Variants in RGSL1 observed in about 807,000 individuals in gnomAD.
RGSL1 encodes regulator of G protein signaling like 1, also known as regulator of G protein signaling protein-like.
A neutral mutation model predicts 124.7 loss-of-function variants in RGSL1; 97 were observed. The observed-to-expected ratio is 0.78, with a 90% CI of 0.66 to 0.92. RGSL1 has a LOEUF of 0.92. RGSL1 is among the 40% of genes least tolerant of loss of function. The pLI is 0.00. For synonymous variants in RGSL1, 424 were observed against 438.1 expected (o/e 0.97, Z 0.40); for missense variants, 1,233 against 1,288.4 (o/e 0.96, Z 0.66).
chr1:182,498,308 T>TGTATATGCCTCCTAGGTGC (rs1553263966), intron 9 of RGSL1, among the ~76,000 whole-genome samples: 59 of 151,066 alleles, frequency 3.9e-4, no homozygotes, highest in Non-Finnish European at 5.9e-4. Context: ...CTTGCTTTTT[T>TGTATATGCCTCCTAGGTGC]GTATATGCCT....
intron 9 of RGSL1, among the ~76,000 whole-genome samples, chr1:182,508,049 A>G: frequency 6.6e-6 from 1 of 152,120 alleles, no homozygotes. Flanking sequence ...ATACCCAGTA[A>G]TAGAATTGCT....
Position 182,538,825 on chromosome 1 carries a change from G to A in RGSL1, c.2495-1422G>A, listed in dbSNP as rs556172258. Among the ~76,000 whole-genome samples the A allele has an allele frequency of 3.9e-5, 6 of 152,232 alleles. No individual in the cohort carries two copies. The South Asian group carries it at 1.2e-3, about 32-fold the overall frequency. The stretch of plus-strand genomic sequence containing the variant: ...AGGTCAGGGACCTAGTCCTGACCCC[G>A]AGAACACTTAAGCGGCTTTTGGAAC... On this transcript the variant is annotated intron_variant, in intron 14 of 21. Coordinates refer to ENST00000294854, the MANE Select transcript of RGSL1 (RefSeq NM_001137669.2).
chr1:182,545,536 T>C (rs1660156677), intron 15 of RGSL1, among the ~76,000 whole-genome samples: 1 of 152,192 alleles, frequency 6.6e-6, no homozygotes, highest in African/African-American at 2.4e-5. Flanking sequence ...TGCGTGTTAG[T>C]GTCATTTTCT....
At chr1:182,453,143 G>T (rs182171908) in intron 1 of RGSL1, among the ~76,000 whole-genome samples, 80 of 152,226 alleles carry the variant, frequency 5.3e-4, no homozygotes, top group African/African-American at 1.8e-3. Flanking sequence ...GAATTAACTT[G>T]GGCAGCACGA....
chr1:182,486,238 G>T (rs1655086873), intron 6 of RGSL1, among the ~76,000 whole-genome samples: 1 of 150,388 alleles, frequency 6.6e-6, no homozygotes, highest in African/African-American at 2.4e-5. Context: ...TCTTTTAATT[G>T]AAAATGCTCT....
Position 182,530,373 on chromosome 1 carries a change from C to G in RGSL1, c.2243+12C>G, listed in dbSNP as rs1242049222. ...ATAGAAGAAAAGTGGTGAGTATACT[C>G]AATTAAGGAAAGGATTCTTCCTGGA... On this transcript the variant is annotated intron_variant, in intron 12 of 21. Transcript: ENST00000294854. 4 of 1,536,708 alleles carry G rather than the reference C, an allele frequency of 2.6e-6. No individual in the cohort carries two copies. The highest frequency in any genetic ancestry group is 1.8e-6 in the Non-Finnish European group (2 of 1,134,796).
At position 182,540,143 on chromosome 1, in the gene RGSL1, A is replaced by G. The variant is rs1201156701; in HGVS notation, c.2495-104A>G. 3 of 1,182,204 alleles carry G rather than the reference A, an allele frequency of 2.5e-6. No homozygotes were observed. The African/African-American group carries it at 4.8e-5, about 19-fold the overall frequency. The allele number at this position is 1,182,204 out of a possible 1,614,324, so 73.2% of individuals were successfully genotyped here. A position where few individuals can be genotyped will look rare whatever the true frequency, so the allele number is the denominator to read the frequency against. Reference sequence around the variant, plus strand: ...GTAAGTGACTATTTCAGTAGGCCAAAAGGATGGATCCACAGTCTCCTTTCT... The same window carrying G: ...GTAAGTGACTATTTCAGTAGGCCAAGAGGATGGATCCACAGTCTCCTTTCT... On this transcript the variant is annotated intron_variant, in intron 14 of 21. Coordinates refer to ENST00000294854, the MANE Select transcript of RGSL1 (RefSeq NM_001137669.2).
intron 9 of RGSL1, among the ~76,000 whole-genome samples, chr1:182,500,532 T>A (rs568936659): frequency 5.4e-5 from 8 of 149,010 alleles, no homozygotes; most frequent in Non-Finnish European, 8.8e-5. Context: ...AACTTTTCCA[T>A]TTTTTCAAAA....
intron 15 of RGSL1, among the ~76,000 whole-genome samples, chr1:182,546,214 A>G (rs1419571824): frequency 6.6e-6 from 1 of 152,186 alleles, no homozygotes; most frequent in Non-Finnish European, 1.5e-5. Context: ...TGGGAGAATG[A>G]AGCCAACTTG....
intron 9 of RGSL1, among the ~76,000 whole-genome samples, chr1:182,510,700 G>C (rs1203884935): frequency 9.0e-6 from 1 of 111,086 alleles, no homozygotes; most frequent in East Asian, 2.3e-4. Flanking sequence ...GAGAGGGAGA[G>C]GGAGAGGCCT....
chr1:182,541,016 T>C (rs1037091895), intron 15 of RGSL1, among the ~76,000 whole-genome samples: 1 of 152,216 alleles, frequency 6.6e-6, no homozygotes, highest in African/African-American at 2.4e-5. Context: ...GATATTTTCA[T>C]ATACTCATAT....
chr1:182,453,308 C>T (rs1249936896), intron 1 of RGSL1: 2 of 152,168 alleles, frequency 1.3e-5, no homozygotes, highest in Admixed American at 6.5e-5. Flanking sequence ...AATGTGACCT[C>T]ATAAGTAAAA....
chr1:182,554,153 A>G (rs2102338774), intron 19 of RGSL1, among the ~76,000 whole-genome samples: 1 of 152,318 alleles, frequency 6.6e-6, no homozygotes, highest in Admixed American at 6.5e-5. Flanking sequence ...CCCAACTGCC[A>G]GCTTCTATTA....
At chr1:182,509,356 G>C (rs1317933636) in intron 9 of RGSL1, among the ~76,000 whole-genome samples, 2 of 33,256 alleles carry the variant, frequency 6.0e-5, no homozygotes, top group Non-Finnish European at 8.6e-5. Flanking sequence ...GGCTGGCCGG[G>C]CAGAGGGGCT....
intron 19 of RGSL1, among the ~76,000 whole-genome samples, chr1:182,553,824 T>C (rs895242237): frequency 1.3e-5 from 2 of 152,178 alleles, no homozygotes; most frequent in African/African-American, 2.4e-5. Context: ...TCTATATCTC[T>C]GCTGACTCCT....
intron 9 of RGSL1, among the ~76,000 whole-genome samples, chr1:182,507,522 C>A (rs969652536): frequency 4.5e-4 from 68 of 152,146 alleles, no homozygotes; most frequent in African/African-American, 1.6e-3. Context: ...AACATAGTGA[C>A]CACCAGTTTC....
At chr1:182,506,185 T>C (rs1326182359) in intron 9 of RGSL1, among the ~76,000 whole-genome samples, 1 of 152,216 alleles carries the variant, frequency 6.6e-6, no homozygotes, top group African/African-American at 2.4e-5. Context: ...CATTTGACAT[T>C]TCAAATATGT....
chr1:182,488,859 G>A, intron 7 of RGSL1, 121 bp from the exon 8 acceptor site: 2 of 746,450 alleles, frequency 2.7e-6, no homozygotes, highest in Non-Finnish European at 4.4e-6. Flanking sequence ...CTTAACAACT[G>A]AAAACAACCT....
chr1:182,502,198 T>C (rs1473733419), intron 9 of RGSL1, among the ~76,000 whole-genome samples: 2 of 152,196 alleles, frequency 1.3e-5, no homozygotes, highest in Admixed American at 6.5e-5. Context: ...TTGTTGACGG[T>C]CTCTATTGCT....
Sources: gnomAD v4.1 joint callset for allele counts (sites outside exome capture counted in the v4.1 genomes callset) on GRCh38, gnomAD v4.1.1 for gene constraint, MANE v1.5 for transcripts, NCBI Gene and HGNC (gene_info 2026-07-23, HGNC 2026-07-21) for gene names.